TRABD2B: variants seen among roughly 807,000 people sequenced by gnomAD.
The protein encoded by TRABD2B is TraB domain containing 2B.
Under a neutral mutation model 40.1 loss-of-function variants are expected in TRABD2B, and 14 were observed. The observed-to-expected ratio is 0.35, with a 90% CI of 0.23 to 0.55. The LOEUF (loss-of-function observed/expected upper bound fraction) is 0.55, where lower values mean the gene tolerates loss of function less well. Among genes scored for constraint, TRABD2B ranks in the 20% least tolerant of loss-of-function variants. The pLI, the probability that TRABD2B is intolerant of heterozygous loss-of-function variation, is 0.90. For synonymous variants in TRABD2B, 263 were observed against 277.0 expected (o/e 0.95, Z 0.50); for missense variants, 541 against 648.6 (o/e 0.83, Z 1.80).
chr1:47,971,221 A>T (rs1175817268), intron 2 of TRABD2B, among the ~76,000 whole-genome samples: 2 of 152,186 alleles, frequency 1.3e-5, no homozygotes, highest in African/African-American at 4.8e-5. Context: ...ACATAAGCTA[A>T]CAATCTACTA....
chr1:47,902,781 T>C (rs1222651846), intron 2 of TRABD2B, among the ~76,000 whole-genome samples: 2 of 152,194 alleles, frequency 1.3e-5, no homozygotes, highest in Non-Finnish European at 2.9e-5. Flanking sequence ...AGCCACCCTG[T>C]TCGGCTTGAT....
At chr1:47,787,306 C>G (rs142358688) in intron 4 of TRABD2B, among the ~76,000 whole-genome samples, 29 of 152,282 alleles carry the variant, frequency 1.9e-4, no homozygotes, top group African/African-American at 6.5e-4. Flanking sequence ...TGTGGAAACG[C>G]TGAATGTTGG....
intron 2 of TRABD2B, among the ~76,000 whole-genome samples, chr1:47,865,134 G>A (rs868157366): frequency 4.6e-5 from 7 of 152,314 alleles, no homozygotes; most frequent in Middle Eastern, 3.4e-3. Context: ...AACTGGGCAT[G>A]AGGCCTAGCA....
intron 6 of TRABD2B, among the ~76,000 whole-genome samples, chr1:47,767,445 C>T (rs1443826734): frequency 6.6e-6 from 1 of 152,182 alleles, no homozygotes; most frequent in African/African-American, 2.4e-5. Context: ...AAAGAACGTA[C>T]AGAGCCCTGC....
intron 2 of TRABD2B, among the ~76,000 whole-genome samples, chr1:47,914,975 A>G (rs1644811100): frequency 6.6e-6 from 1 of 152,146 alleles, no homozygotes; most frequent in Non-Finnish European, 1.5e-5. Context: ...AGTCATGGGG[A>G]AGACAGACAT....
chr1:47,899,493 T>C (rs1644569428), intron 2 of TRABD2B, among the ~76,000 whole-genome samples: 1 of 152,172 alleles, frequency 6.6e-6, no homozygotes, highest in African/African-American at 2.4e-5. Flanking sequence ...TTACATACAA[T>C]GCCACCTCTA....
chr1:47,927,272 G>A (rs1356830432), intron 2 of TRABD2B, among the ~76,000 whole-genome samples: 2 of 152,198 alleles, frequency 1.3e-5, no homozygotes, highest in Non-Finnish European at 2.9e-5. Context: ...TTCCTGCTCT[G>A]GCTGAGTCAG....
intron 2 of TRABD2B, among the ~76,000 whole-genome samples, chr1:47,911,613 C>A (rs28737220): frequency 5.4e-4 from 83 of 152,370 alleles, no homozygotes; most frequent in African/African-American, 1.9e-3. Context: ...ATGGGTCCCA[C>A]ATGGTCCTGC....
intron 2 of TRABD2B, among the ~76,000 whole-genome samples, chr1:47,810,408 T>C (rs1000908027): frequency 6.6e-6 from 1 of 151,486 alleles, no homozygotes; most frequent in African/African-American, 2.4e-5. Flanking sequence ...CCAGGTAAGG[T>C]TGCAATGAGA....
intron 2 of TRABD2B, among the ~76,000 whole-genome samples, chr1:47,837,938 AGAGT>A (rs1645341768): frequency 6.6e-6 from 1 of 152,198 alleles, no homozygotes; most frequent in Non-Finnish European, 1.5e-5. Flanking sequence ...TCAAGTCTAC[AGAGT>A]GAGAAGGTGG....
chr1:47,997,194 A>C lies in TRABD2B; in HGVS notation c.-405T>G, dbSNP rs1306535566. The C allele has an allele frequency of 1.0e-6, 1 of 982,302 alleles. No homozygotes were observed. The highest frequency in any genetic ancestry group is 1.8e-5 in the African/African-American group (1 of 56,264). 60.8% of individuals were successfully genotyped at this position (982,302 alleles called of 1,614,324 possible). A position where few individuals can be genotyped will look rare whatever the true frequency, so the allele number is the denominator to read the frequency against. ...TTATGCTGGGCACCCGGGGCACGCA[A>C]GGGTCCCAGGGGTGCGCGGCGCTCC... On this transcript the variant is annotated 5_prime_UTR_variant, in exon 1 of 7. Coordinates refer to ENST00000606738, the MANE Select transcript of TRABD2B (RefSeq NM_001194986.2).
chr1:47,792,530 G>A (rs2124203559), intron 4 of TRABD2B, among the ~76,000 whole-genome samples: 1 of 152,246 alleles, frequency 6.6e-6, no homozygotes, highest in Non-Finnish European at 1.5e-5. Context: ...GATTCACTGG[G>A]GACTGATTAC....
At chr1:47,919,969 G>A (rs1644880579) in intron 2 of TRABD2B, among the ~76,000 whole-genome samples, 1 of 152,208 alleles carries the variant, frequency 6.6e-6, no homozygotes, top group African/African-American at 2.4e-5. Flanking sequence ...TGGGACAGGA[G>A]ATGAAAGAGA....
intron 2 of TRABD2B, among the ~76,000 whole-genome samples, chr1:47,977,067 CCTT>C (rs1234913315): frequency 6.8e-6 from 1 of 147,406 alleles, no homozygotes; most frequent in Non-Finnish European, 1.5e-5. Context: ...AAGGTTTAGT[CCTT>C]TTTTTTTTTT....
At chr1:47,903,406 A>C (rs1241170697) in intron 2 of TRABD2B, among the ~76,000 whole-genome samples, 1 of 152,028 alleles carries the variant, frequency 6.6e-6, no homozygotes, top group Admixed American at 6.5e-5. Context: ...TGGTGTGAAG[A>C]TCTCGCTGTG....
chr1:47,875,097 A>G (rs1353784619), intron 2 of TRABD2B, among the ~76,000 whole-genome samples: 1 of 151,978 alleles, frequency 6.6e-6, no homozygotes, highest in Non-Finnish European at 1.5e-5. Context: ...CAGTGCTGTA[A>G]GGCTCATGGG....
Position 47,858,115 on chromosome 1 carries a change from A to G in TRABD2B, c.667-56496T>C, listed in dbSNP as rs187419495. On this transcript the variant is annotated intron_variant, in intron 2 of 6. Transcript: ENST00000606738. ...CTTTATCATACGTACGCATTGGAAG[A>G]AACAGCATATACAGGGTTTGCTACT... Among the ~76,000 whole-genome samples the G allele has an allele frequency of 8.5e-5, 13 of 152,282 alleles. No homozygotes were observed. In the East Asian group the frequency reaches 2.5e-3, roughly 29 times the overall value.
At chr1:47,984,293 G>T (rs1227546237) in intron 2 of TRABD2B, among the ~76,000 whole-genome samples, 1 of 152,266 alleles carries the variant, frequency 6.6e-6, no homozygotes, top group African/African-American at 2.4e-5. Context: ...GGCTCCGCCT[G>T]TGTCGCTGCC....
chr1:47,763,810 G>A lies in TRABD2B; in HGVS notation c.*2092C>T, dbSNP rs915325713. 5.3e-5 allele frequency: 8 copies of A among 152,226 alleles called. No individual in the cohort carries two copies. Among genetic ancestry groups the A allele is most frequent in the African/African-American group, 1.7e-4 (7 of 41,456 alleles). The allele number at this position is 152,226 out of a possible 1,614,324, so 9.4% of individuals were successfully genotyped here. A position where few individuals can be genotyped will look rare whatever the true frequency, so the allele number is the denominator to read the frequency against. On this transcript the variant is annotated 3_prime_UTR_variant, in exon 7 of 7. Coordinates refer to ENST00000606738, the MANE Select transcript of TRABD2B (RefSeq NM_001194986.2). Reference sequence around the variant, plus strand: ...ATCTCATCCAAATAGTGCACTGCACGATCCGTTTGATGTCCAACTTCTGAG... The same window carrying A: ...ATCTCATCCAAATAGTGCACTGCACAATCCGTTTGATGTCCAACTTCTGAG...
Sources: gnomAD v4.1 joint callset for allele counts (sites outside exome capture counted in the v4.1 genomes callset) on GRCh38, gnomAD v4.1.1 for gene constraint, MANE v1.5 for transcripts, NCBI Gene and HGNC (gene_info 2026-07-23, HGNC 2026-07-21) for gene names.